The following XPO4 variants were observed in gnomAD, a reference collection of about 807,000 sequenced individuals.
XPO4 encodes the protein exportin-4.
In XPO4, 39 loss-of-function variants were observed where a neutral mutation model predicts 143.0. The ratio of observed to expected loss-of-function variants is 0.27; its 90% confidence interval spans 0.21 to 0.36. XPO4 has a LOEUF of 0.36. Among genes scored for constraint, XPO4 ranks in the 10% least tolerant of loss-of-function variants. The probability of loss-of-function intolerance (pLI) is 1.00; values close to 1 mark genes in which losing one functional copy is unlikely to be tolerated. For synonymous variants in XPO4, 439 were observed against 474.0 expected, an observed-to-expected ratio of 0.93 and a Z score of 0.96; for missense variants, 907 against 1,348.0, an observed-to-expected ratio of 0.67 and a Z score of 5.12.
chr13:20,822,355 T>C, intron 7 of XPO4, 66 bp from the exon 8 acceptor site: 5 of 1,410,666 alleles, frequency 3.5e-6, no homozygotes, highest in Non-Finnish European at 3.8e-6. Context: ...GTGTCTACCA[T>C]GCCGAATGAG....
Position 20,778,276 on chromosome 13 carries a change from C to T in XPO4, c.*5446G>A, listed in dbSNP as rs1304082375. The T allele has an allele frequency of 6.6e-6, 1 of 152,138 alleles. No individual in the cohort carries two copies. The highest frequency in any genetic ancestry group is 6.5e-5 in the Admixed American group (1 of 15,270). The allele number at this position is 152,138 out of a possible 1,614,324, so 9.4% of individuals were successfully genotyped here. The stretch of plus-strand genomic sequence containing the variant: ...CACTCTAATTGGTTTTCTTAAACAA[C>T]TTTTCTTTATCCACCTTTGGAGTGG... On this transcript the variant is annotated 3_prime_UTR_variant, in exon 23 of 23. Coordinates refer to ENST00000255305, the MANE Select transcript of XPO4 (RefSeq NM_022459.5).
At chr13:20,856,999 CATTT>C (rs2060150914) in intron 3 of XPO4, 1 of 505,092 alleles carries the variant, frequency 2.0e-6, no homozygotes, top group Non-Finnish European at 2.6e-6. Flanking sequence ...GCATAACATG[CATTT>C]ATTAGATATT....
At chr13:20,789,599 G>C (rs904873755) in intron 19 of XPO4, among the ~76,000 whole-genome samples, 1 of 150,958 alleles carries the variant, frequency 6.6e-6, no homozygotes, top group African/African-American at 2.4e-5. Flanking sequence ...TAGTAGAGGC[G>C]GGGTTTCACC....
chr13:20,806,997 T>A (rs2059516267), intron 13 of XPO4, among the ~76,000 whole-genome samples: 1 of 152,136 alleles, frequency 6.6e-6, no homozygotes, highest in African/African-American at 2.4e-5. Context: ...AGTTTCACAT[T>A]TAGAATACAT....
intron 2 of XPO4, 72 bp from the exon 3 acceptor site, chr13:20,862,930 T>G: frequency 5.7e-6 from 9 of 1,588,256 alleles, no homozygotes; most frequent in Non-Finnish European, 7.7e-6. Context: ...TTTATTAATT[T>G]TAAAACAGAA....
At chr13:20,793,895 A>C (rs746433606) in intron 18 of XPO4, among the ~76,000 whole-genome samples, 4 of 152,196 alleles carry the variant, frequency 2.6e-5, no homozygotes, top group Non-Finnish European at 5.9e-5. Context: ...ACTCAAAGAA[A>C]AACTCAGGAA....
chr13:20,881,320 G>A (rs1053332162), intron 1 of XPO4, among the ~76,000 whole-genome samples: 1 of 151,904 alleles, frequency 6.6e-6, no homozygotes, highest in African/African-American at 2.4e-5. Flanking sequence ...CCAGGCTGGA[G>A]TGCAGTGGCA....
intron 3 of XPO4, among the ~76,000 whole-genome samples, chr13:20,860,250 T>TA (rs1456763832): frequency 6.6e-6 from 1 of 152,246 alleles, no homozygotes; most frequent in Non-Finnish European, 1.5e-5. Flanking sequence ...GCTAACATTT[T>TA]AGGCCTAGAG....
intron 3 of XPO4, among the ~76,000 whole-genome samples, chr13:20,861,735 A>T (rs1332792268): frequency 6.6e-6 from 1 of 151,176 alleles, no homozygotes; most frequent in South Asian, 2.1e-4. Context: ...GAAGCTACTT[A>T]AAGATTTTGG....
chr13:20,802,437 C>A lies in XPO4; in HGVS notation c.1818-1447G>T, dbSNP rs565500158. Reference sequence around the variant, plus strand: ...AAAAATTTTTTAGGGGGTATATGAACAACAACAAAACAAACAAATAAAACC... The same window carrying A: ...AAAAATTTTTTAGGGGGTATATGAAAAACAACAAAACAAACAAATAAAACC... On this transcript the variant is annotated intron_variant, in intron 13 of 22. Transcript: ENST00000255305. Among the ~76,000 whole-genome samples the A allele has an allele frequency of 5.5e-4, 84 of 152,222 alleles. 2 individuals carry two copies. The highest frequency in any genetic ancestry group is 2.1e-4 in the Non-Finnish European group (14 of 67,994).
At chr13:20,797,846 G>A (rs1478472679) in intron 16 of XPO4, among the ~76,000 whole-genome samples, 1 of 152,100 alleles carries the variant, frequency 6.6e-6, no homozygotes, top group Non-Finnish European at 1.5e-5. Flanking sequence ...CCCAGGATAT[G>A]AACTTATTTG....
intron 7 of XPO4, among the ~76,000 whole-genome samples, chr13:20,823,080 AG>A (rs2059740450): frequency 6.6e-6 from 1 of 152,220 alleles, no homozygotes; most frequent in African/African-American, 2.4e-5. Flanking sequence ...ATTAGAGCCA[AG>A]GAAAATTTAG....
intron 2 of XPO4, chr13:20,863,131 AT>A (rs1185824049): frequency 2.7e-6 from 3 of 1,106,814 alleles, no homozygotes; most frequent in Non-Finnish European, 3.3e-6. Flanking sequence ...GAACTAAAAA[AT>A]AACACAGCTT....
chr13:20,853,984 A>C (rs1036229049), intron 4 of XPO4, among the ~76,000 whole-genome samples: 4 of 152,232 alleles, frequency 2.6e-5, no homozygotes, highest in African/African-American at 9.6e-5. Flanking sequence ...ATCAAGATGT[A>C]AATAAAAATG....
intron 1 of XPO4, among the ~76,000 whole-genome samples, chr13:20,882,669 C>G (rs2060423530): frequency 6.6e-6 from 1 of 152,116 alleles, no homozygotes; most frequent in Non-Finnish European, 1.5e-5. Flanking sequence ...GGGTGGGTCA[C>G]CTGGGGTCAG....
chr13:20,813,367 T>C (rs1199199994), intron 9 of XPO4, among the ~76,000 whole-genome samples: 1 of 151,952 alleles, frequency 6.6e-6, no homozygotes, highest in Non-Finnish European at 1.5e-5. Context: ...AAACATCCCA[T>C]TAGGAAAATG....
intron 9 of XPO4, 51 bp from the exon 10 acceptor site, chr13:20,810,018 C>CATA (rs2059557268): frequency 6.8e-7 from 1 of 1,472,038 alleles, no homozygotes; most frequent in Non-Finnish European, 9.1e-7. Context: ...CGACAATTGG[C>CATA]ATAACAACAG....
At chr13:20,790,381 TCA>T (rs1278345074) in intron 19 of XPO4, 79 bp downstream of exon 19, 2 of 1,115,824 alleles carry the variant, frequency 1.8e-6, no homozygotes, top group African/African-American at 3.1e-5. Context: ...CTAAATTAAA[TCA>T]CAGATATATT....
intron 9 of XPO4, among the ~76,000 whole-genome samples, chr13:20,817,507 T>C (rs2059664784): frequency 6.6e-6 from 1 of 152,222 alleles, no homozygotes; most frequent in Admixed American, 6.5e-5. Context: ...TCTTCCTTTA[T>C]AAATTGTTAT....
Sources: allele counts gnomAD v4.1 joint callset (sites outside exome capture counted in the v4.1 genomes callset), GRCh38; gene constraint gnomAD v4.1.1; transcripts MANE v1.5; gene names NCBI Gene and HGNC (gene_info 2026-07-23, HGNC 2026-07-21).